Variants in FAM135A observed in about 807,000 individuals in gnomAD.
FAM135A encodes family with sequence similarity 135 member A, also known as protein FAM135A.
FAM135A carries 79 observed loss-of-function variants against 146.8 expected under a neutral mutation model. The observed-to-expected ratio is 0.54, with a 90% CI of 0.45 to 0.65. The LOEUF (loss-of-function observed/expected upper bound fraction) is 0.65. Among genes scored for constraint, FAM135A ranks in the 30% least tolerant of loss-of-function variants. The pLI is 0.00. For synonymous variants in FAM135A, 562 were observed against 603.6 expected (o/e 0.93, Z 1.01); for missense variants, 1,623 against 1,758.2 (o/e 0.92, Z 1.38).
intron 5 of FAM135A, among the ~76,000 whole-genome samples, chr6:70,465,763 A>G (rs1053985784): frequency 2.0e-5 from 3 of 152,194 alleles, no homozygotes; most frequent in Admixed American, 1.3e-4. Context: ...TTTCACCAAC[A>G]GTACACAAGA....
chr6:70,540,699 C>T (rs1245494864), intron 20 of FAM135A, among the ~76,000 whole-genome samples: 2 of 152,166 alleles, frequency 1.3e-5, no homozygotes, highest in African/African-American at 4.8e-5. Flanking sequence ...TCTCAGACTT[C>T]ATGGATTACT....
chr6:70,432,882 A>T (rs1775338), intron 4 of FAM135A, among the ~76,000 whole-genome samples: 76,565 of 151,782 alleles, frequency 0.5, 23,357 homozygotes, highest in African/African-American at 0.86. Flanking sequence ...ATAACTTAAT[A>T]AGAAAAATAA....
At chr6:70,517,025 T>C (rs540653212) in intron 12 of FAM135A, among the ~76,000 whole-genome samples, 1 of 152,348 alleles carries the variant, frequency 6.6e-6, no homozygotes, top group African/African-American at 2.4e-5. Context: ...TGATCTGATA[T>C]TCTTTGAGTA....
At chr6:70,428,601 A>G (rs1289202762) in intron 4 of FAM135A, among the ~76,000 whole-genome samples, 182 bp downstream of exon 4, 2 of 152,194 alleles carry the variant, frequency 1.3e-5, no homozygotes, top group African/African-American at 4.8e-5. Context: ...CATGAATTTA[A>G]TGATAATGCT....
At chr6:70,453,498 T>A (rs1369486035) in intron 5 of FAM135A, among the ~76,000 whole-genome samples, 1 of 152,140 alleles carries the variant, frequency 6.6e-6, no homozygotes, top group Admixed American at 6.5e-5. Context: ...ATGTGCCATG[T>A]TTGTTTGCTG....
At chr6:70,455,225 C>CT (rs1034555385) in intron 5 of FAM135A, among the ~76,000 whole-genome samples, 4 of 152,112 alleles carry the variant, frequency 2.6e-5, no homozygotes, top group African/African-American at 9.7e-5. Flanking sequence ...ATTTGGCTCT[C>CT]TGTCTGTTAT....
intron 20 of FAM135A, among the ~76,000 whole-genome samples, chr6:70,551,787 T>C (rs1409248363): frequency 6.6e-6 from 1 of 152,168 alleles, no homozygotes; most frequent in Non-Finnish European, 1.5e-5. Context: ...AGTCAGAGCA[T>C]AGTCCATAAG....
chr6:70,445,873 C>T (rs866650348), intron 4 of FAM135A, among the ~76,000 whole-genome samples: 3 of 152,156 alleles, frequency 2.0e-5, no homozygotes, highest in African/African-American at 7.2e-5. Flanking sequence ...CCCAACATAT[C>T]CCCCTTATTT....
At chr6:70,483,909 T>C (rs1345695276) in intron 10 of FAM135A, among the ~76,000 whole-genome samples, 2 of 152,204 alleles carry the variant, frequency 1.3e-5, no homozygotes, top group African/African-American at 2.4e-5. Flanking sequence ...ACCATTTCTG[T>C]CACTTACTTA....
intron 20 of FAM135A, among the ~76,000 whole-genome samples, chr6:70,542,914 T>C (rs929216289): frequency 7.2e-5 from 11 of 152,178 alleles, no homozygotes; most frequent in Non-Finnish European, 1.6e-4. Context: ...ATTGTTAATA[T>C]TATCTCTGAA....
intron 5 of FAM135A, among the ~76,000 whole-genome samples, chr6:70,455,458 T>TATATTC (rs1476951314): frequency 6.6e-6 from 1 of 152,132 alleles, no homozygotes; most frequent in Non-Finnish European, 1.5e-5. Context: ...ATATATTTTG[T>TATATTC]ATATTCATTC....
At chr6:70,557,694 CAAAAAAAAA>C (rs1177559650) in intron 21 of FAM135A, 1 of 58,138 alleles carries the variant, frequency 1.7e-5, no homozygotes, top group African/African-American at 7.1e-5. Context: ...AACTCTGTCT[CAAAAAAAAA>C]AAAAAAAAAA....
chr6:70,520,891 A>C (rs1276858763), intron 12 of FAM135A, among the ~76,000 whole-genome samples: 1 of 152,234 alleles, frequency 6.6e-6, no homozygotes, highest in Non-Finnish European at 1.5e-5. Flanking sequence ...GGTGCATACA[A>C]GAAAGATTTC....
chr6:70,464,658 C>CTTTTTTTTT lies in FAM135A; in HGVS notation c.158-10744_158-10743insTTTTTTTTT, dbSNP rs754818109. ...TTTAAATTTCTTTCTTTCTTTCTTT[C>CTTTTTTTTT]TTTTTTTTCTTTTTTTTTTTTTTTT... is the stretch of plus-strand genomic sequence containing the variant. On this transcript the variant is annotated intron_variant, in intron 5 of 21. Coordinates refer to ENST00000418814, the MANE Select transcript of FAM135A (RefSeq NM_001162529.3). Among the ~76,000 whole-genome samples the CTTTTTTTTT allele has an allele frequency of 5.0e-4, 50 of 100,400 alleles. 2 individuals carry two copies. The highest frequency in any genetic ancestry group is 1.3e-3 in the East Asian group (6 of 4,644). 65.9% of individuals were successfully genotyped at this position (100,400 alleles called of 152,430 possible).
intron 16 of FAM135A, among the ~76,000 whole-genome samples, chr6:70,531,174 ACT>A (rs1795733558): frequency 6.6e-6 from 1 of 152,180 alleles, no homozygotes; most frequent in Admixed American, 6.5e-5. Context: ...TTCTCAAAAC[ACT>A]CTAATGATAA....
chr6:70,560,135 T>C lies in FAM135A; in HGVS notation c.*214T>C, dbSNP rs192485968. ...GCAATATTTTTTTAATTTTATCTTT[T>C]TACTTTTCTATTACTTTTTCATATA... is the stretch of plus-strand genomic sequence containing the variant. On this transcript the variant is annotated 3_prime_UTR_variant, in exon 22 of 22. Coordinates refer to ENST00000418814, the MANE Select transcript of FAM135A (RefSeq NM_001162529.3). The C allele has an allele frequency of 2.1e-6, 1 of 473,552 alleles. No homozygotes were observed. Among genetic ancestry groups the C allele is most frequent in the Admixed American group, 3.9e-5 (1 of 25,808 alleles). The allele number at this position is 473,552 out of a possible 1,614,324, so 29.3% of individuals were successfully genotyped here.
rs760942425 is a variant in FAM135A at position 70,559,700 on chromosome 6, T to C, written c.4343-16T>C. 6.3e-7 allele frequency: 1 copy of C among 1,578,994 alleles called. No homozygotes were observed. Among genetic ancestry groups the C allele is most frequent in the South Asian group, 1.2e-5 (1 of 84,674 alleles). ...CTATTGTGAACTAATTTTCCTTTTT[T>C]CTGTTGGTTCCATAGGACAGATCTA... On this transcript the variant is annotated splice_polypyrimidine_tract_variant and intron_variant, in intron 21 of 21. Coordinates refer to ENST00000418814, the MANE Select transcript of FAM135A (RefSeq NM_001162529.3).
At chr6:70,485,311 T>C (rs989272165) in intron 10 of FAM135A, among the ~76,000 whole-genome samples, 6 of 152,148 alleles carry the variant, frequency 3.9e-5, no homozygotes, top group African/African-American at 1.4e-4. Context: ...TGTGGTGTTC[T>C]TAAACTTTAC....
intron 19 of FAM135A, among the ~76,000 whole-genome samples, chr6:70,536,925 G>A (rs1796894268): frequency 6.7e-6 from 1 of 149,830 alleles, no homozygotes; most frequent in East Asian, 2.0e-4. Flanking sequence ...ACAAATATTT[G>A]GTACTTTGAT....
Sources: allele counts gnomAD v4.1 joint callset (sites outside exome capture counted in the v4.1 genomes callset), GRCh38; gene constraint gnomAD v4.1.1; transcripts MANE v1.5; gene names NCBI Gene and HGNC (gene_info 2026-07-23, HGNC 2026-07-21).